The following EBF1 variants were observed in gnomAD, a reference collection of about 807,000 sequenced individuals.
EBF1 encodes the protein transcription factor COE1.
EBF1 carries 10 observed loss-of-function variants against 68.4 expected under a neutral mutation model. The ratio of observed to expected loss-of-function variants is 0.15; its 90% CI spans 0.09 to 0.25. EBF1 has a LOEUF of 0.25. Ranked by LOEUF, EBF1 falls within the 10% of genes least tolerant of loss-of-function variation. The probability of loss-of-function intolerance (pLI) is 1.00; values close to 1 mark genes in which losing one functional copy is unlikely to be tolerated. For synonymous variants in EBF1, 298 were observed against 299.8 expected, an observed-to-expected ratio of 0.99 and a Z score of 0.06; for missense variants, 509 against 794.4, an observed-to-expected ratio of 0.64 and a Z score of 4.32.
At chr5:158,773,126 G>A (rs1421893238) in intron 10 of EBF1, among the ~76,000 whole-genome samples, 3 of 152,044 alleles carry the variant, frequency 2.0e-5, no homozygotes, top group East Asian at 1.9e-4. Context: ...AGAGGAAGGC[G>A]AAAGGGAGAT....
At chr5:158,770,861 C>T (rs1466762369) in intron 10 of EBF1, among the ~76,000 whole-genome samples, 1 of 152,136 alleles carries the variant, frequency 6.6e-6, no homozygotes, top group Non-Finnish European at 1.5e-5. Context: ...TTTCTGGACA[C>T]GTACCAGGTT....
chr5:158,987,585 A>G lies in EBF1; in HGVS notation c.554+85811T>C, dbSNP rs1213783683. 2.0e-5 allele frequency among the ~76,000 whole-genome samples: 3 copies of G among 152,224 alleles called. No homozygotes were observed. In the East Asian group the frequency reaches 5.8e-4, roughly 29 times the overall value. On this transcript the variant is annotated intron_variant, in intron 6 of 15. Transcript: ENST00000313708. ...AGAGGATGTCCAAATTCACACAGAC[A>G]TAGGCTCCATAACCCTGTGTTTTCT...
At chr5:158,891,715 A>G (rs774534873) in intron 6 of EBF1, among the ~76,000 whole-genome samples, 17 of 152,182 alleles carry the variant, frequency 1.1e-4, no homozygotes, top group Non-Finnish European at 1.5e-4. Flanking sequence ...GTAGACACAC[A>G]CAATATTTAG....
chr5:159,073,600 C>G (rs1428766084), intron 5 of EBF1, 136 bp from the exon 6 acceptor site: 3 of 877,048 alleles, frequency 3.4e-6, no homozygotes, highest in Non-Finnish European at 5.5e-6. Context: ...CAACGGATCC[C>G]TGGGACAGAT....
chr5:158,795,221 TAA>T (rs758077028), intron 9 of EBF1, among the ~76,000 whole-genome samples: 1 of 152,144 alleles, frequency 6.6e-6, no homozygotes, highest in Non-Finnish European at 1.5e-5. Context: ...AGAAATAGGC[TAA>T]ACCAGTGTCA....
intron 11 of EBF1, among the ~76,000 whole-genome samples, chr5:158,718,438 A>G (rs1314304088): frequency 6.6e-6 from 1 of 152,156 alleles, no homozygotes; most frequent in Non-Finnish European, 1.5e-5. Context: ...TGCTGGCTTC[A>G]ATCTGTGCCC....
chr5:159,044,656 C>A (rs542907547), intron 6 of EBF1, among the ~76,000 whole-genome samples: 1 of 152,280 alleles, frequency 6.6e-6, no homozygotes, highest in African/African-American at 2.4e-5. Flanking sequence ...TTATATTCTT[C>A]TAAAGTGCAG....
In EBF1 at chr5:158,909,956, T is replaced by TTAAAA. The variant is rs772406186; in HGVS notation, c.555-69847_555-69846insTTTTA. ...TGGTGACAGAACGAGACTCTGTCTA[T>TTAAAA]AAAAAAAAAAAAAAAAAAAAAAAAA... On this transcript the variant is annotated intron_variant, in intron 6 of 15. Transcript: ENST00000313708. Among the ~76,000 whole-genome samples, 147 of 46,724 alleles carry TTAAAA rather than the reference T, an allele frequency of 3.1e-3. 6 individuals carry two copies. The highest frequency in any genetic ancestry group is 9.5e-3 in the African/African-American group (129 of 13,606). 30.7% of individuals were successfully genotyped at this position (46,724 alleles called of 152,430 possible).
chr5:158,999,258 G>A (rs1038812825), intron 6 of EBF1, among the ~76,000 whole-genome samples: 31 of 152,228 alleles, frequency 2.0e-4, no homozygotes, highest in African/African-American at 6.7e-4. Flanking sequence ...TCCAAGCAAC[G>A]GAGACATAAC....
intron 7 of EBF1, among the ~76,000 whole-genome samples, chr5:158,836,047 C>T (rs780744461): frequency 6.6e-5 from 10 of 152,132 alleles, no homozygotes; most frequent in African/African-American, 2.4e-4. Context: ...CAGTTATCTT[C>T]CCAGCATTTA....
intron 6 of EBF1, among the ~76,000 whole-genome samples, chr5:158,852,750 G>C (rs78080706): frequency 6.6e-6 from 1 of 152,188 alleles, no homozygotes; most frequent in African/African-American, 2.4e-5. Flanking sequence ...GATATCATAA[G>C]GATGCTGATG....
At chr5:158,820,964 G>C (rs1184423843) in intron 8 of EBF1, among the ~76,000 whole-genome samples, 1 of 152,098 alleles carries the variant, frequency 6.6e-6, no homozygotes, top group East Asian at 1.9e-4. Flanking sequence ...TTTGTAATTA[G>C]TTACCAACAA....
intron 6 of EBF1, among the ~76,000 whole-genome samples, chr5:158,962,479 G>A (rs1318646619): frequency 6.6e-6 from 1 of 152,130 alleles, no homozygotes; most frequent in Admixed American, 6.6e-5. Flanking sequence ...TTGCAACTTT[G>A]ACTCTGCACA....
intron 6 of EBF1, among the ~76,000 whole-genome samples, chr5:159,056,647 C>T (rs535395173): frequency 6.6e-6 from 1 of 152,260 alleles, no homozygotes; most frequent in East Asian, 1.9e-4. Context: ...CTTTTTTCCC[C>T]TTTCACTACA....
intron 10 of EBF1, among the ~76,000 whole-genome samples, chr5:158,774,459 T>G (rs1774628305): frequency 6.6e-6 from 1 of 152,094 alleles, no homozygotes; most frequent in Non-Finnish European, 1.5e-5. Flanking sequence ...GGGGTGTTAC[T>G]TTTCAGCTCA....
At chr5:158,864,129 C>G (rs2128040197) in intron 6 of EBF1, among the ~76,000 whole-genome samples, 1 of 146,894 alleles carries the variant, frequency 6.8e-6, no homozygotes, top group Non-Finnish European at 1.5e-5. Flanking sequence ...GAGGCTGAAG[C>G]AGGAGAATCA....
intron 6 of EBF1, among the ~76,000 whole-genome samples, chr5:159,036,544 A>G (rs1286511326): frequency 3.8e-5 from 5 of 131,914 alleles, no homozygotes; most frequent in Middle Eastern, 3.6e-3. Context: ...GAGAAAAACA[A>G]GAAATGGGGA....
chr5:158,911,030 C>T (rs569567668), intron 6 of EBF1, among the ~76,000 whole-genome samples: 4 of 152,158 alleles, frequency 2.6e-5, no homozygotes, highest in African/African-American at 7.2e-5. Context: ...GGGAGAGTAC[C>T]GAGAGCCCAG....
chr5:158,890,684 C>T (rs1268737169), intron 6 of EBF1, among the ~76,000 whole-genome samples: 1 of 152,176 alleles, frequency 6.6e-6, no homozygotes, highest in African/African-American at 2.4e-5. Flanking sequence ...CCCCGAAGCC[C>T]CCGCCACCCT....
Sources: gnomAD v4.1 joint callset for allele counts (sites outside exome capture counted in the v4.1 genomes callset) on GRCh38, gnomAD v4.1.1 for gene constraint, MANE v1.5 for transcripts, NCBI Gene and HGNC (gene_info 2026-07-23, HGNC 2026-07-21) for gene names.